The following DYNC1I1 variants were observed in gnomAD, a reference collection of about 807,000 sequenced individuals.
The protein encoded by DYNC1I1 is dynein cytoplasmic 1 intermediate chain 1.
DYNC1I1 carries 43 observed loss-of-function variants against 86.6 expected under a neutral mutation model. The ratio of observed to expected loss-of-function variants is 0.50; its 90% CI spans 0.39 to 0.64. The LOEUF (loss-of-function observed/expected upper bound fraction) is 0.64, where lower values mean the gene tolerates loss of function less well. DYNC1I1 is among the 30% of genes least tolerant of loss of function. The pLI is 0.00. For missense variants in DYNC1I1, 604 were observed against 788.8 expected (o/e 0.77, Z 2.81); for synonymous variants, 262 against 283.7 (o/e 0.92, Z 0.77).
chr7:95,919,937 A>G (rs1791567818), intron 6 of DYNC1I1, among the ~76,000 whole-genome samples: 2 of 152,238 alleles, frequency 1.3e-5, no homozygotes, highest in Non-Finnish European at 2.9e-5. Flanking sequence ...GATGTAATAA[A>G]TAAATATAAA....
chr7:95,790,034 A>G (rs1035626330), intron 1 of DYNC1I1, among the ~76,000 whole-genome samples: 1 of 152,170 alleles, frequency 6.6e-6, no homozygotes, highest in Non-Finnish European at 1.5e-5. Flanking sequence ...TAAAAGGCTG[A>G]TGTAGAGTGA....
At chr7:95,791,882 A>G (rs1794312424) in intron 1 of DYNC1I1, among the ~76,000 whole-genome samples, 3 of 152,216 alleles carry the variant, frequency 2.0e-5, no homozygotes, top group Admixed American at 2.0e-4. Context: ...GAGTGAGACA[A>G]TGACTCTCCC....
At chr7:95,948,896 T>G (rs1465802295) in intron 6 of DYNC1I1, among the ~76,000 whole-genome samples, 1 of 152,222 alleles carries the variant, frequency 6.6e-6, no homozygotes, top group Non-Finnish European at 1.5e-5. Context: ...AGATAGGCAG[T>G]TAGCTTTATC....
At chr7:95,986,351 A>G (rs150216007) in intron 8 of DYNC1I1, among the ~76,000 whole-genome samples, 62 of 152,268 alleles carry the variant, frequency 4.1e-4, no homozygotes, top group African/African-American at 1.4e-3. Context: ...CGATGTAAAT[A>G]CTCAGCTTGT....
intron 4 of DYNC1I1, among the ~76,000 whole-genome samples, chr7:95,827,250 G>GATA (rs962716501): frequency 6.6e-6 from 1 of 152,166 alleles, no homozygotes; most frequent in African/African-American, 2.4e-5. Flanking sequence ...TTGCCTCTGA[G>GATA]ATAACCTCAT....
chr7:96,027,707 A>C (rs1013277064), intron 10 of DYNC1I1, among the ~76,000 whole-genome samples: 2 of 152,298 alleles, frequency 1.3e-5, no homozygotes, highest in Non-Finnish European at 2.9e-5. Flanking sequence ...CCTCATCTTA[A>C]AGGCCTTGAA....
intron 16 of DYNC1I1, among the ~76,000 whole-genome samples, chr7:96,109,592 T>A (rs1040379283): frequency 2.6e-5 from 4 of 152,168 alleles, no homozygotes; most frequent in Non-Finnish European, 5.9e-5. Context: ...GTTTTCATTT[T>A]CATTCAGTTC....
chr7:95,966,856 G>A (rs947986365), intron 6 of DYNC1I1, among the ~76,000 whole-genome samples: 1 of 152,212 alleles, frequency 6.6e-6, no homozygotes, highest in African/African-American at 2.4e-5. Flanking sequence ...AGAAAGGACC[G>A]TGAACCTCAT....
chr7:95,886,339 C>T (rs1403982413), intron 6 of DYNC1I1, among the ~76,000 whole-genome samples: 1 of 152,044 alleles, frequency 6.6e-6, no homozygotes, highest in Non-Finnish European at 1.5e-5. Flanking sequence ...GACACTGGGG[C>T]AGGAGGATTG....
rs534981854 is a variant in DYNC1I1, at chr7:95,854,428, A to G, written c.375-15455A>G. ...TGCAAGAAGAAAACTCTGTACTTTT[A>G]CTACACTCTCCTCCCACATTTTGAC... is the stretch of plus-strand genomic sequence containing the variant. On this transcript the variant is annotated intron_variant, in intron 5 of 16. Transcript: ENST00000447467. Among the ~76,000 whole-genome samples the G allele has an allele frequency of 6.6e-5, 10 of 152,236 alleles. No individual in the cohort carries two copies. In the East Asian group the frequency reaches 1.9e-3, roughly 29 times the overall value.
At chr7:95,832,944 A>C (rs374070824) in intron 5 of DYNC1I1, among the ~76,000 whole-genome samples, 9,733 of 151,466 alleles carry the variant, frequency 0.064, 397 homozygotes, top group African/African-American at 0.097. Flanking sequence ...ATGGTAGTTT[A>C]TTTTGCTGTG....
chr7:95,992,071 G>C lies in DYNC1I1; in HGVS notation c.844-3877G>C, dbSNP rs190803612. On this transcript the variant is annotated intron_variant, in intron 9 of 16. Transcript: ENST00000447467. ...GACGGGGTTTCACCGTGTTAGCCAG[G>C]CTGGTCTTGAACTCCTGACCTCAGG... 3.4e-3 allele frequency among the ~76,000 whole-genome samples: 516 copies of C among 152,152 alleles called. 10 individuals are homozygous for C. The highest frequency in any genetic ancestry group is 0.027 in the Admixed American group (405 of 15,280).
chr7:96,059,004 A>G lies in DYNC1I1; in HGVS notation c.1510-17053A>G, dbSNP rs143775405. On this transcript the variant is annotated intron_variant, in intron 14 of 16. Transcript: ENST00000447467. ...TAAAGTTGCCACAAATGCCAAACTG[A>G]CAAATACTAAATGAACCATTGCTTC... 7.6e-3 allele frequency among the ~76,000 whole-genome samples: 1,158 copies of G among 152,196 alleles called. 10 individuals are homozygous for G. Among genetic ancestry groups the G allele is most frequent in the African/African-American group, 0.026 (1,090 of 41,526 alleles).
At chr7:95,889,213 T>G (rs1427539034) in intron 6 of DYNC1I1, among the ~76,000 whole-genome samples, 1 of 152,168 alleles carries the variant, frequency 6.6e-6, no homozygotes, top group African/African-American at 2.4e-5. Context: ...TATGCCTCCT[T>G]ATAAAAAAGG....
At chr7:96,001,645 T>G (rs1258018381) in intron 10 of DYNC1I1, among the ~76,000 whole-genome samples, 1 of 152,222 alleles carries the variant, frequency 6.6e-6, no homozygotes, top group Non-Finnish European at 1.5e-5. Flanking sequence ...GTGAGAGCTC[T>G]CTTCTTGGCT....
At chr7:96,007,779 G>A (rs1794176602) in intron 10 of DYNC1I1, among the ~76,000 whole-genome samples, 1 of 152,148 alleles carries the variant, frequency 6.6e-6, no homozygotes, top group South Asian at 2.1e-4. Flanking sequence ...AAGTAAGAAA[G>A]ATGACACCTT....
chr7:96,106,198 G>C, intron 16 of DYNC1I1, among the ~76,000 whole-genome samples: 1 of 151,732 alleles, frequency 6.6e-6, no homozygotes, highest in East Asian at 1.9e-4. Context: ...TTAGATCATT[G>C]ATTTAACACT....
chr7:95,827,652 G>A (rs1269296933), intron 4 of DYNC1I1, among the ~76,000 whole-genome samples: 1 of 152,074 alleles, frequency 6.6e-6, no homozygotes, highest in Non-Finnish European at 1.5e-5. Flanking sequence ...GCACCCTTGC[G>A]TTTAGTTCTT....
chr7:95,991,044 TAA>T (rs1007765927), intron 9 of DYNC1I1, among the ~76,000 whole-genome samples: 86 of 151,620 alleles, frequency 5.7e-4, no homozygotes, highest in African/African-American at 2.0e-3. Context: ...TAAAATAAAA[TAA>T]AATAAAATAA....
Sources: gnomAD v4.1 joint callset for allele counts (sites outside exome capture counted in the v4.1 genomes callset) on GRCh38, gnomAD v4.1.1 for gene constraint, MANE v1.5 for transcripts, NCBI Gene and HGNC (gene_info 2026-07-23, HGNC 2026-07-21) for gene names.